The following TNFSF8 variants were observed in gnomAD, a reference collection of about 807,000 sequenced individuals.
TNFSF8 encodes tumor necrosis factor ligand superfamily member 8.
A neutral mutation model predicts 22.0 loss-of-function variants in TNFSF8; 4 were observed. The observed-to-expected ratio is 0.18, with a 90% CI of 0.09 to 0.42. The LOEUF is 0.42. Among genes scored for constraint, TNFSF8 ranks in the 10% least tolerant of loss-of-function variants. TNFSF8 has a pLI of 1.00. For missense variants in TNFSF8, 233 were observed against 281.8 expected (o/e 0.83, Z 1.24); for synonymous variants, 106 against 112.5 (o/e 0.94, Z 0.37).
In TNFSF8 at chr9:114,930,154, A is replaced by G; in HGVS notation, c.150T>C (p.Leu50=). The change falls in exon 1 of 4, where the codon CTT becomes CTC. Residue 50 remains leucine, a synonymous_variant. Transcript: ENST00000223795. The part of the protein sequence containing the change: ...YLTTATLALC[L]VFTVATIMVL... ...CCATAATAGTGGCCACCGTGAAGACAAGGCACAGAGCCAGAGTGGCTGTGG... is the reference window on the plus strand; with the variant it reads ...CCATAATAGTGGCCACCGTGAAGACGAGGCACAGAGCCAGAGTGGCTGTGG... The G allele has an allele frequency of 6.3e-7, 1 of 1,589,870 alleles. No individual in the cohort carries two copies. Among genetic ancestry groups the G allele is most frequent in the Non-Finnish European group, 8.6e-7 (1 of 1,168,030 alleles).
At chr9:114,916,280 T>C (rs1827917878) in intron 2 of TNFSF8, among the ~76,000 whole-genome samples, 1 of 152,186 alleles carries the variant, frequency 6.6e-6, no homozygotes, top group Non-Finnish European at 1.5e-5. Flanking sequence ...ACCGTGTCCT[T>C]ATTTTTTGTA....
intron 3 of TNFSF8, among the ~76,000 whole-genome samples, chr9:114,905,620 G>C (rs1827775027): frequency 6.6e-6 from 1 of 152,212 alleles, no homozygotes; most frequent in South Asian, 2.1e-4. Flanking sequence ...ACTGAGGAAA[G>C]AGAAGCCTTG....
intron 2 of TNFSF8, among the ~76,000 whole-genome samples, chr9:114,907,667 T>C (rs1827800949): frequency 6.6e-6 from 1 of 152,162 alleles, no homozygotes; most frequent in Admixed American, 6.5e-5. Flanking sequence ...TCCCTTTATG[T>C]TCCAATAGTA....
Position 114,902,494 on chromosome 9 carries a change from GGTTTCCCAAACACCCA to G in TNFSF8, c.*1421_*1436del, listed in dbSNP as rs1827729706. The G allele has an allele frequency of 1.0e-6, 1 of 985,426 alleles. No individual in the cohort carries two copies. Among genetic ancestry groups the G allele is most frequent in the Non-Finnish European group, 1.2e-6 (1 of 829,926 alleles). 61.0% of individuals were successfully genotyped at this position (985,426 alleles called of 1,614,324 possible). A position where few individuals can be genotyped will look rare whatever the true frequency, so the allele number is the denominator to read the frequency against. On this transcript the variant is annotated 3_prime_UTR_variant, in exon 4 of 4. Transcript: ENST00000223795. ...GGAATAGAGTCAGGCCTCGTCAGAT[GGTTTCCCAAACACCCA>G]GATGGTCTCTTAGATTCTGGATGGT...
chr9:114,914,808 T>C (rs1487154131), intron 2 of TNFSF8, among the ~76,000 whole-genome samples: 16 of 152,098 alleles, frequency 1.1e-4, no homozygotes, highest in Non-Finnish European at 2.4e-4. Context: ...GCCTGTGAGG[T>C]GTCAGTTGGC....
rs1827716181 is a variant in TNFSF8, at chr9:114,901,461, T to C, written c.*2470A>G. 2.0e-6 allele frequency: 2 copies of C among 985,424 alleles called. No homozygotes were observed. Among genetic ancestry groups the C allele is most frequent in the Non-Finnish European group, 2.4e-6 (2 of 829,926 alleles). The allele number at this position is 985,424 out of a possible 1,614,324, so 61.0% of individuals were successfully genotyped here. On this transcript the variant is annotated 3_prime_UTR_variant, in exon 4 of 4. Coordinates refer to ENST00000223795, the MANE Select transcript of TNFSF8 (RefSeq NM_001244.4). The stretch of plus-strand genomic sequence containing the variant: ...CAGTGCAAAAGTCAGGTACCTCTGC[T>C]CAGAGAACAGTTGGTGAAAAATGAA...
intron 1 of TNFSF8, among the ~76,000 whole-genome samples, chr9:114,925,616 A>G (rs1347303431): frequency 6.6e-6 from 1 of 152,088 alleles, no homozygotes; most frequent in Non-Finnish European, 1.5e-5. Context: ...CACCATCACC[A>G]CCACCAATAA....
Position 114,903,588 on chromosome 9 carries a change from G to T in TNFSF8, c.*343C>A, listed in dbSNP as rs772370737. 76 of 568,182 alleles carry T rather than the reference G, an allele frequency of 1.3e-4. No homozygotes were observed. The highest frequency in any genetic ancestry group is 1.7e-4 in the Non-Finnish European group (75 of 442,478). The allele number at this position is 568,182 out of a possible 1,614,324, so 35.2% of individuals were successfully genotyped here. A position where few individuals can be genotyped will look rare whatever the true frequency, so the allele number is the denominator to read the frequency against. The stretch of plus-strand genomic sequence containing the variant: ...AGTTGCTAGCTGCTCTGGTACTGGA[G>T]CCCCATTTTAACTGGAGGCTCTCAA... On this transcript the variant is annotated 3_prime_UTR_variant, in exon 4 of 4. Coordinates refer to ENST00000223795, the MANE Select transcript of TNFSF8 (RefSeq NM_001244.4).
intron 2 of TNFSF8, among the ~76,000 whole-genome samples, chr9:114,917,246 T>C (rs1333431078): frequency 1.3e-5 from 2 of 152,226 alleles, no homozygotes; most frequent in African/African-American, 2.4e-5. Context: ...GCTTTCTGGC[T>C]ATCCAGCTGT....
Position 114,902,748 on chromosome 9 carries a change from G to A in TNFSF8, c.*1183C>T, listed in dbSNP as rs1328409855. 1 of 985,300 alleles carries A rather than the reference G, an allele frequency of 1.0e-6. No homozygotes were observed. The highest frequency in any genetic ancestry group is 1.2e-6 in the Non-Finnish European group (1 of 829,934). 61.0% of individuals were successfully genotyped at this position (985,300 alleles called of 1,614,324 possible). Reference sequence around the variant, plus strand: ...TCTGGAATCTCAGTTCCCAGGGTCTGGTCTTCTGAGATGGAAGAGGTTTTG... The same window carrying A: ...TCTGGAATCTCAGTTCCCAGGGTCTAGTCTTCTGAGATGGAAGAGGTTTTG... On this transcript the variant is annotated 3_prime_UTR_variant, in exon 4 of 4. Transcript: ENST00000223795.
chr9:114,909,417 A>T (rs1267263045), intron 2 of TNFSF8, among the ~76,000 whole-genome samples: 3 of 152,202 alleles, frequency 2.0e-5, no homozygotes, highest in Non-Finnish European at 4.4e-5. Context: ...TCTGCAAGTC[A>T]CGGCTGAGTT....
In TNFSF8 at chr9:114,904,107, A is replaced by T; in HGVS notation, c.529T>A (p.Cys177Ser). ...HIKKQALVTV[C>S]ESGMQTKHVY... Reference sequence around the variant, plus strand: ...TGTTTCGTTTGCATTCCAGACTCACACACTGTCACCAGGGCCTGTTTTTTG... The same window carrying T: ...TGTTTCGTTTGCATTCCAGACTCACTCACTGTCACCAGGGCCTGTTTTTTG... Residue 177 changes from cysteine to serine, a missense_variant, in exon 4 of 4, where the codon TGT becomes AGT. Transcript: ENST00000223795. The T allele has an allele frequency of 6.2e-7, 1 of 1,614,146 alleles. No homozygotes were observed. The highest frequency in any genetic ancestry group is 8.5e-7 in the Non-Finnish European group (1 of 1,179,988).
intron 2 of TNFSF8, among the ~76,000 whole-genome samples, chr9:114,908,895 T>C (rs927649395): frequency 7.9e-5 from 12 of 152,066 alleles, no homozygotes; most frequent in African/African-American, 2.9e-4. Flanking sequence ...CCTCTGTCCT[T>C]TAATGCTTGA....
At chr9:114,914,746 G>A (rs1827897440) in intron 2 of TNFSF8, among the ~76,000 whole-genome samples, 1 of 152,024 alleles carries the variant, frequency 6.6e-6, no homozygotes, top group South Asian at 2.1e-4. Context: ...ACCCAGAAAG[G>A]AGAAGGGTGT....
chr9:114,930,203 G>A lies in TNFSF8; in HGVS notation c.101C>T (p.Thr34Met). The A allele has an allele frequency of 1.2e-6, 2 of 1,604,846 alleles. No homozygotes were observed. The highest frequency in any genetic ancestry group is 1.3e-5 in the African/African-American group (1 of 74,444). The change falls in exon 1 of 4, where the codon ACG (threonine) becomes ATG (methionine). Residue 34 changes from threonine to methionine, a missense_variant. Transcript: ENST00000223795. ...GGTCAAATAGAAATAGCTGCGGCTC[G>A]TGGTCCCCAGGTGGCTGGCCACGGA... ...AGSVASHLGT[T>M]SRSYFYLTTA...
At chr9:114,924,094 A>G (rs1009956555) in intron 1 of TNFSF8, among the ~76,000 whole-genome samples, 1 of 152,236 alleles carries the variant, frequency 6.6e-6, no homozygotes. Context: ...AAAAAGGTCA[A>G]TGTTATTTAA....
At chr9:114,911,525 C>T (rs1053175382) in intron 2 of TNFSF8, among the ~76,000 whole-genome samples, 2 of 152,128 alleles carry the variant, frequency 1.3e-5, no homozygotes, top group Non-Finnish European at 2.9e-5. Flanking sequence ...CTTGATATCA[C>T]TAAGCCAACT....
intron 1 of TNFSF8, among the ~76,000 whole-genome samples, chr9:114,924,994 A>G (rs1182548655): frequency 6.6e-6 from 1 of 152,210 alleles, no homozygotes; most frequent in Non-Finnish European, 1.5e-5. Flanking sequence ...GGGAAGTGTC[A>G]TGGGGCATTC....
rs1827729116 is a variant in TNFSF8 at position 114,902,440 on chromosome 9, C to T, written c.*1491G>A. The stretch of plus-strand genomic sequence containing the variant: ...CTTTCCTGACCAGAAATGAAAAATG[C>T]CTGCTGCTCAATTATTGTCAATCTA... On this transcript the variant is annotated 3_prime_UTR_variant, in exon 4 of 4. Coordinates refer to ENST00000223795, the MANE Select transcript of TNFSF8 (RefSeq NM_001244.4). 4 of 985,428 alleles carry T rather than the reference C, an allele frequency of 4.1e-6. No individual in the cohort carries two copies. The highest frequency in any genetic ancestry group is 4.8e-6 in the Non-Finnish European group (4 of 829,936). The allele number at this position is 985,428 out of a possible 1,614,324, so 61.0% of individuals were successfully genotyped here.
Sources: allele counts gnomAD v4.1 joint callset (sites outside exome capture counted in the v4.1 genomes callset), GRCh38; gene constraint gnomAD v4.1.1; transcripts MANE v1.5; gene names NCBI Gene and HGNC (gene_info 2026-07-23, HGNC 2026-07-21).